SPAST: variants seen among roughly 807,000 people sequenced by gnomAD.
The protein encoded by SPAST is spastic paraplegia 4 (autosomal dominant; spastin).
In SPAST, 30 loss-of-function variants were observed where a neutral mutation model predicts 76.6. That is an observed-to-expected ratio of 0.39 (90% CI 0.29 to 0.53). The LOEUF is 0.53. Ranked by LOEUF, SPAST falls within the 20% of genes least tolerant of loss-of-function variation. The pLI is 0.68. For missense variants in SPAST, 717 were observed against 770.5 expected (o/e 0.93, Z 0.82); for synonymous variants, 305 against 281.0 (o/e 1.09, Z -0.86).
chr2:32,118,957 G>C (rs1678931493), intron 7 of SPAST, among the ~76,000 whole-genome samples: 1 of 152,164 alleles, frequency 6.6e-6, no homozygotes, highest in South Asian at 2.1e-4. Context: ...TTTCATGGTA[G>C]TGACATAATG....
rs1041291307 is a variant in SPAST, at chr2:32,136,563, G to A, written c.1246G>A (p.Val416Met). The A allele has an allele frequency of 1.2e-6, 2 of 1,610,710 alleles. No homozygotes were observed. Among genetic ancestry groups the A allele is most frequent in the Non-Finnish European group, 1.7e-6 (2 of 1,176,960 alleles). Residue 416 changes from valine (V) to methionine (M), a missense_variant and splice_region_variant, in exon 10 of 17, where the codon GTG becomes ATG. Physicochemically the swap from Val to Met is conservative, Grantham distance 21. Coordinates refer to ENST00000315285, the MANE Select transcript of SPAST (RefSeq NM_014946.4). ...ISAASLTSKYVGEGEKLVRAL... is the reference protein window; with the variant it reads ...ISAASLTSKYMGEGEKLVRAL... ...ATAACAGTATAATGCTTTGTTTTAGGTGGGAGAAGGAGAGAAATTGGTGAG... is the reference window on the plus strand; with the variant it reads ...ATAACAGTATAATGCTTTGTTTTAGATGGGAGAAGGAGAGAAATTGGTGAG...
chr2:32,108,550 C>G (rs1030017507), intron 4 of SPAST, among the ~76,000 whole-genome samples: 8 of 151,858 alleles, frequency 5.3e-5, no homozygotes, highest in Non-Finnish European at 1.2e-4. Flanking sequence ...GGGTCTGACT[C>G]TTTCTCCCAG....
Position 32,064,260 on chromosome 2 carries a change from T to TGGGGGAGGGGGCGGCGGCGCCG in SPAST, c.415+17_415+38dup. 2.2e-6 allele frequency: 1 copy of TGGGGGAGGGGGCGGCGGCGCCG among 461,144 alleles called. No individual in the cohort carries two copies. The highest frequency in any genetic ancestry group is 2.8e-6 in the Non-Finnish European group (1 of 358,678). 28.6% of individuals were successfully genotyped at this position (461,144 alleles called of 1,614,324 possible). A position where few individuals can be genotyped will look rare whatever the true frequency, so the allele number is the denominator to read the frequency against. On this transcript the variant is annotated intron_variant, in intron 1 of 16. Transcript: ENST00000315285. ...AGGATGAGAAAGGTAACTAGGGGGC[T>TGGGGGAGGGGGCGGCGGCGCCG]GGGGGAGGGGGCGGCGGCGCCGGGA...
intron 16 of SPAST, among the ~76,000 whole-genome samples, chr2:32,149,985 T>G (rs1355002163): frequency 2.6e-5 from 4 of 152,066 alleles, no homozygotes; most frequent in East Asian, 1.9e-4. Context: ...TTGTTTGTTT[T>G]TTTTTTTCAG....
intron 1 of SPAST, chr2:32,078,079 C>A (rs1311269555): frequency 6.6e-6 from 1 of 151,878 alleles, no homozygotes; most frequent in African/African-American, 2.4e-5. Flanking sequence ...CAAGCTCCGC[C>A]TCCCGGGTTC....
At chr2:32,145,064 T>C (rs1276188336) in intron 15 of SPAST, 57 bp downstream of exon 15, 6 of 1,304,286 alleles carry the variant, frequency 4.6e-6, no homozygotes, top group Non-Finnish European at 6.6e-6. Flanking sequence ...CCTTAGAAGT[T>C]TAAGAAGTCC....
chr2:32,116,072 C>G, intron 6 of SPAST, 47 bp from the exon 7 acceptor site: 1 of 1,343,680 alleles, frequency 7.4e-7, no homozygotes, highest in Non-Finnish European at 1.1e-6. Context: ...CTTGTAATAA[C>G]TGGGCCCTGT....
At chr2:32,081,948 G>A (rs1324259386) in intron 1 of SPAST, among the ~76,000 whole-genome samples, 1 of 149,630 alleles carries the variant, frequency 6.7e-6, no homozygotes, top group African/African-American at 2.5e-5. Context: ...CATTGTTTTG[G>A]AAACTCACTA....
At chr2:32,153,683 T>C (rs1433480844) in intron 16 of SPAST, among the ~76,000 whole-genome samples, 1 of 152,204 alleles carries the variant, frequency 6.6e-6, no homozygotes, top group Non-Finnish European at 1.5e-5. Flanking sequence ...TTAAAAATAC[T>C]TAGGTGTAAA....
chr2:32,087,358 C>G, intron 1 of SPAST, 134 bp from the exon 2 acceptor site: 1 of 524,430 alleles, frequency 1.9e-6, no homozygotes, highest in Non-Finnish European at 3.5e-6. Context: ...GATAAAAATA[C>G]TAAGAAGTTA....
At chr2:32,142,959 T>G (rs1327375176) in intron 13 of SPAST, among the ~76,000 whole-genome samples, 1 of 152,130 alleles carries the variant, frequency 6.6e-6, no homozygotes, top group Non-Finnish European at 1.5e-5. Flanking sequence ...TTTATTCAAG[T>G]GTGGTGAATT....
intron 16 of SPAST, among the ~76,000 whole-genome samples, chr2:32,153,446 C>T (rs996641694): frequency 1.1e-4 from 17 of 151,342 alleles, no homozygotes; most frequent in African/African-American, 4.1e-4. Flanking sequence ...GCCTCAGCCT[C>T]CTGAGTAGCT....
At chr2:32,114,500 A>G (rs1369058127) in intron 4 of SPAST, 138 bp from the exon 5 acceptor site, 3 of 706,804 alleles carry the variant, frequency 4.2e-6, no homozygotes, top group South Asian at 1.8e-5. Flanking sequence ...ATCCTGGTAC[A>G]TGTTCTCATT....
chr2:32,153,272 A>G (rs1680146728), intron 16 of SPAST, among the ~76,000 whole-genome samples: 4 of 151,746 alleles, frequency 2.6e-5, no homozygotes, highest in Admixed American at 2.6e-4. Flanking sequence ...TACGCTAGAA[A>G]TGATTTTTAA....
chr2:32,112,470 C>T (rs544143025), intron 4 of SPAST, among the ~76,000 whole-genome samples: 19 of 151,618 alleles, frequency 1.3e-4, no homozygotes, highest in African/African-American at 4.6e-4. Context: ...GCCTCAGCCT[C>T]CTGAGTAGCT....
At chr2:32,104,220 C>T (rs533258480) in intron 4 of SPAST, among the ~76,000 whole-genome samples, 1 of 152,270 alleles carries the variant, frequency 6.6e-6, no homozygotes, top group South Asian at 2.1e-4. Context: ...CCTTCTTTGT[C>T]TCTTTTGATC....
In SPAST at chr2:32,157,500, CA is replaced by C. The variant is rs760145504; in HGVS notation, c.*3007del. On this transcript the variant is annotated 3_prime_UTR_variant, in exon 17 of 17. Transcript: ENST00000315285. ...TACAGTTCGGTTTTGGACTCTGAGT[CA>C]AAGGATTTTCCTTTAAATGCTTGTC... 1.4e-4 allele frequency: 22 copies of C among 152,528 alleles called. No individual in the cohort carries two copies. The highest frequency in any genetic ancestry group is 2.5e-4 in the Non-Finnish European group (17 of 67,996). The allele number at this position is 152,528 out of a possible 1,614,324, so 9.4% of individuals were successfully genotyped here. A position where few individuals can be genotyped will look rare whatever the true frequency, so the allele number is the denominator to read the frequency against.
intron 1 of SPAST, among the ~76,000 whole-genome samples, chr2:32,083,774 A>AT (rs1333329179): frequency 1.4e-3 from 76 of 54,376 alleles, no homozygotes; most frequent in African/African-American, 4.4e-3. Flanking sequence ...ATATATATAT[A>AT]TATTTTTTTT....
intron 1 of SPAST, among the ~76,000 whole-genome samples, chr2:32,086,563 T>C (rs917630524): frequency 1.4e-4 from 22 of 151,822 alleles, no homozygotes; most frequent in African/African-American, 5.1e-4. Context: ...AAGATCAGCC[T>C]GGCCAACATG....
Sources: allele counts gnomAD v4.1 joint callset (sites outside exome capture counted in the v4.1 genomes callset), GRCh38; gene constraint gnomAD v4.1.1; transcripts MANE v1.5; gene names NCBI Gene and HGNC (gene_info 2026-07-23, HGNC 2026-07-21).